Variants in PLCH1 observed in about 807,000 individuals in gnomAD.
PLCH1 encodes 1-phosphatidylinositol 4,5-bisphosphate phosphodiesterase eta-1.
In PLCH1, 60 loss-of-function variants were observed where a neutral mutation model predicts 126.7. The observed-to-expected ratio is 0.47, with a 90% CI of 0.38 to 0.59. The LOEUF (loss-of-function observed/expected upper bound fraction) is 0.59, where lower values mean the gene tolerates loss of function less well. Ranked by LOEUF, PLCH1 falls within the 20% of genes least tolerant of loss-of-function variation. The pLI is 0.00. For missense variants in PLCH1, 1,723 were observed against 2,040.0 expected, an observed-to-expected ratio of 0.84 and a Z score of 2.99; for synonymous variants, 719 against 734.9, an observed-to-expected ratio of 0.98 and a Z score of 0.35.
chr3:155,514,938 A>G (rs934591195), intron 11 of PLCH1, 54 bp from the exon 12 acceptor site: 2 of 1,224,452 alleles, frequency 1.6e-6, no homozygotes, highest in African/African-American at 3.0e-5. Context: ...ACCGAATTAG[A>G]ATATACCCTT....
At chr3:155,469,054 G>A (rs879337856) in intron 21 of PLCH1, among the ~76,000 whole-genome samples, 14 of 152,108 alleles carry the variant, frequency 9.2e-5, no homozygotes, top group Admixed American at 8.5e-4. Context: ...TTTAAAAATT[G>A]GAATAATAGG....
rs1173776525 is a variant in PLCH1 at position 155,566,103 on chromosome 3, A to ATATATATACATATATATATG, written c.866-1005_866-986dup. On this transcript the variant is annotated intron_variant, in intron 7 of 22. Transcript: ENST00000460012. ...AATAGCCTTTTAAATATAACCTAAT[A>ATATATATACATATATATATG]TATATATACATATATATATGTATAT... is the stretch of plus-strand genomic sequence containing the variant. Among the ~76,000 whole-genome samples the ATATATATACATATATATATG allele has an allele frequency of 5.0e-4, 40 of 80,308 alleles. 1 individual carries two copies. The highest frequency in any genetic ancestry group is 1.3e-3 in the African/African-American group (34 of 26,114). 52.7% of individuals were successfully genotyped at this position (80,308 alleles called of 152,430 possible).
intron 7 of PLCH1, 40 bp downstream of exon 7, chr3:155,568,191 G>T (rs1401961206): frequency 2.2e-6 from 2 of 898,674 alleles, no homozygotes; most frequent in Non-Finnish European, 3.6e-6. Flanking sequence ...TTAACAGGCT[G>T]AATCAAGAAA....
chr3:155,740,040 T>G (rs1187879088), intron 1 of PLCH1, among the ~76,000 whole-genome samples: 3 of 152,208 alleles, frequency 2.0e-5, no homozygotes, highest in Non-Finnish European at 4.4e-5. Context: ...AAACAGCTTT[T>G]TTGTACTTAG....
chr3:155,541,176 G>A (rs1224557600), intron 10 of PLCH1, among the ~76,000 whole-genome samples: 1 of 152,154 alleles, frequency 6.6e-6, no homozygotes, highest in Non-Finnish European at 1.5e-5. Flanking sequence ...ATAAGTGGGA[G>A]CTAAGCTATG....
At chr3:155,463,048 T>C (rs1288220834) in intron 21 of PLCH1, among the ~76,000 whole-genome samples, 1 of 152,252 alleles carries the variant, frequency 6.6e-6, no homozygotes, top group African/African-American at 2.4e-5. Context: ...GGAGACATCC[T>C]GTAAATCCAG....
At chr3:155,615,254 G>A (rs1044253300) in intron 2 of PLCH1, among the ~76,000 whole-genome samples, 1 of 152,124 alleles carries the variant, frequency 6.6e-6, no homozygotes, top group African/African-American at 2.4e-5. Context: ...ACTCCTGCAA[G>A]AATTGCCATA....
In PLCH1 at chr3:155,494,342, C is replaced by A; in HGVS notation, c.2070G>T (p.Gln690His). 6.2e-7 allele frequency: 1 copy of A among 1,614,030 alleles called. No homozygotes were observed. Residue 690 changes from glutamine (Q) to histidine (H), a missense_variant, in exon 16 of 23, where the codon CAG becomes CAT. Transcript: ENST00000460012. ...NPLPYWNAGC[Q>H]LVALNYQSEG... The stretch of plus-strand genomic sequence containing the variant: ...TCCTTCCCAAGGAATACACACCTAG[C>A]TGGCAGCCTGCGTTCCAGTAGGGGA...
chr3:155,637,331 C>T (rs767376521), intron 2 of PLCH1, among the ~76,000 whole-genome samples: 2 of 152,160 alleles, frequency 1.3e-5, no homozygotes, highest in Non-Finnish European at 2.9e-5. Context: ...TTTGGCCAGC[C>T]CCTGGGCACA....
intron 1 of PLCH1, among the ~76,000 whole-genome samples, chr3:155,725,319 T>C (rs1428472931): frequency 2.0e-5 from 3 of 152,218 alleles, no homozygotes; most frequent in Non-Finnish European, 4.4e-5. Context: ...TCTTTATCTC[T>C]AAAAATGCTT....
chr3:155,680,457 A>G (rs1744422813), intron 2 of PLCH1, among the ~76,000 whole-genome samples: 1 of 152,186 alleles, frequency 6.6e-6, no homozygotes, highest in African/African-American at 2.4e-5. Flanking sequence ...CAAAATGGAA[A>G]GTAGGGGAAA....
At chr3:155,680,973 G>C (rs1397850293) in intron 2 of PLCH1, among the ~76,000 whole-genome samples, 1 of 151,404 alleles carries the variant, frequency 6.6e-6, no homozygotes, top group East Asian at 1.9e-4. Flanking sequence ...CTAATTAAAG[G>C]AAAAAAGGAG....
At chr3:155,580,018 C>T (rs569627086) in intron 6 of PLCH1, among the ~76,000 whole-genome samples, 1 of 152,134 alleles carries the variant, frequency 6.6e-6, no homozygotes, top group East Asian at 1.9e-4. Flanking sequence ...TTTCAAAGTT[C>T]AAAAAATACA....
intron 1 of PLCH1, among the ~76,000 whole-genome samples, chr3:155,721,430 T>C (rs569513718): frequency 1.3e-5 from 2 of 152,316 alleles, no homozygotes; most frequent in South Asian, 4.2e-4. Flanking sequence ...GTCCTTTACT[T>C]CCTTAGTTAG....
intron 10 of PLCH1, among the ~76,000 whole-genome samples, chr3:155,526,489 T>TACACACACACACACACACAC (rs35144196): frequency 7.9e-6 from 1 of 126,566 alleles, no homozygotes; most frequent in African/African-American, 2.8e-5. Flanking sequence ...CTCTCTCTCA[T>TACACACACACACACACACAC]ACACACACAC....
chr3:155,585,438 C>A (rs1324121030), intron 5 of PLCH1, among the ~76,000 whole-genome samples: 1 of 152,130 alleles, frequency 6.6e-6, no homozygotes, highest in East Asian at 1.9e-4. Flanking sequence ...ATTGTCTTTG[C>A]CCTGACTTAA....
chr3:155,559,760 A>C (rs371165340), intron 8 of PLCH1, among the ~76,000 whole-genome samples: 1 of 152,180 alleles, frequency 6.6e-6, no homozygotes, highest in East Asian at 1.9e-4. Flanking sequence ...TACAGAGCCA[A>C]GTAGCTTCTT....
intron 10 of PLCH1, among the ~76,000 whole-genome samples, chr3:155,548,042 T>A (rs1222722267): frequency 6.6e-6 from 1 of 152,006 alleles, no homozygotes; most frequent in Non-Finnish European, 1.5e-5. Flanking sequence ...AGTATAATAA[T>A]AATAAAATAA....
intron 11 of PLCH1, among the ~76,000 whole-genome samples, chr3:155,522,956 T>G (rs1011090909): frequency 1.4e-5 from 2 of 141,116 alleles, no homozygotes; most frequent in African/African-American, 2.9e-5. Context: ...ATGCTTTTCT[T>G]TTTTTGCGGG....
Sources: allele counts gnomAD v4.1 joint callset (sites outside exome capture counted in the v4.1 genomes callset), GRCh38; gene constraint gnomAD v4.1.1; transcripts MANE v1.5; gene names NCBI Gene and HGNC (gene_info 2026-07-23, HGNC 2026-07-21).